SSUH2: variants seen among roughly 807,000 people sequenced by gnomAD.
SSUH2 encodes the protein protein SSUH2 homolog.
In SSUH2, 47 loss-of-function variants were observed where a neutral mutation model predicts 55.3. The ratio of observed to expected loss-of-function variants is 0.85; its 90% CI spans 0.67 to 1.08. The LOEUF (loss-of-function observed/expected upper bound fraction) is 1.08. SSUH2 is among the 50% of genes least tolerant of loss of function. The pLI, the probability that SSUH2 is intolerant of heterozygous loss-of-function variation, is 0.00. For missense variants in SSUH2, 535 were observed against 490.7 expected, an observed-to-expected ratio of 1.09 and a Z score of -0.85; for synonymous variants, 212 against 191.5, an observed-to-expected ratio of 1.11 and a Z score of -0.89.
At chr3:8,643,675 T>TA (rs1172427227) in intron 1 of SSUH2, among the ~76,000 whole-genome samples, 2 of 152,266 alleles carry the variant, frequency 1.3e-5, no homozygotes, top group East Asian at 3.9e-4. Flanking sequence ...GAAAGAGTGT[T>TA]ATGCCTGCAA....
intron 6 of SSUH2, among the ~76,000 whole-genome samples, chr3:8,660,223 A>G (rs886376375): frequency 1.3e-5 from 2 of 152,204 alleles, no homozygotes; most frequent in African/African-American, 4.8e-5. Context: ...GAAGGAATTT[A>G]TAGAAATCCA....
Position 8,619,756 on chromosome 3 carries a change from C to A in SSUH2, c.*112G>T. 2 of 1,308,604 alleles carry A rather than the reference C, an allele frequency of 1.5e-6. No homozygotes were observed. The highest frequency in any genetic ancestry group is 2.9e-5 in the South Asian group (2 of 68,636). 81.1% of individuals were successfully genotyped at this position (1,308,604 alleles called of 1,614,324 possible). The stretch of plus-strand genomic sequence containing the variant: ...AAGCTGGTTTTTCTGGAAGGACATG[C>A]CAGGGTTTGTATGTGATTGTCCAAT... On this transcript the variant is annotated 3_prime_UTR_variant, in exon 12 of 12. Transcript: ENST00000544814.
intron 5 of SSUH2, among the ~76,000 whole-genome samples, chr3:8,665,493 T>A (rs1241853354): frequency 6.6e-6 from 1 of 152,180 alleles, no homozygotes; most frequent in East Asian, 1.9e-4. Flanking sequence ...TTCCACAACA[T>A]CCTTATTTGG....
chr3:8,675,980 C>T (rs1281657139), intron 3 of SSUH2, among the ~76,000 whole-genome samples: 1 of 152,042 alleles, frequency 6.6e-6, no homozygotes, highest in Admixed American at 6.6e-5. Context: ...AGGATGGCCC[C>T]CCGTTTGAGG....
At chr3:8,633,553 G>A in intron 4 of SSUH2, 113 bp downstream of exon 4, 1 of 802,262 alleles carries the variant, frequency 1.2e-6, no homozygotes, top group Non-Finnish European at 1.9e-6. Context: ...CAAACACACT[G>A]CCCCCAGGAC....
rs1218261420 is a variant in SSUH2, at chr3:8,633,412, G to A, written c.339+254C>T. The stretch of plus-strand genomic sequence containing the variant: ...TGACCTCAGGTGATCCACCCACCTC[G>A]GCCTCCCAAAGTGCTGGGATTACAG... On this transcript the variant is annotated intron_variant, in intron 4 of 11. Coordinates refer to ENST00000544814, the MANE Select transcript of SSUH2 (RefSeq NM_001256748.3). 1.1e-4 allele frequency among the ~76,000 whole-genome samples: 17 copies of A among 152,062 alleles called. No individual in the cohort carries two copies. The East Asian group carries it at 1.9e-3, about 17-fold the overall frequency.
chr3:8,626,366 C>T (rs1697528197), intron 8 of SSUH2, 45 bp from the exon 9 acceptor site: 1 of 1,523,974 alleles, frequency 6.6e-7, no homozygotes, highest in Non-Finnish European at 9.1e-7. Flanking sequence ...GTTGCAGGTC[C>T]TGGTGGCTTC....
At chr3:8,653,658 G>C (rs975905784) in intron 7 of SSUH2, among the ~76,000 whole-genome samples, 3 of 152,120 alleles carry the variant, frequency 2.0e-5, no homozygotes, top group African/African-American at 4.8e-5. Context: ...CTAAAATATT[G>C]TTCACAAGAC....
intron 1 of SSUH2, among the ~76,000 whole-genome samples, chr3:8,637,154 C>T (rs1700055874): frequency 6.6e-6 from 1 of 152,184 alleles, no homozygotes; most frequent in African/African-American, 2.4e-5. Flanking sequence ...CAGTGAACCA[C>T]AGCTCCCACT....
chr3:8,664,646 C>A (rs890083825), intron 5 of SSUH2, among the ~76,000 whole-genome samples: 4 of 152,178 alleles, frequency 2.6e-5, no homozygotes, highest in Non-Finnish European at 4.4e-5. Context: ...AGATTACAAA[C>A]CTGGAGGACA....
At chr3:8,637,856 G>A (rs891673564) in intron 1 of SSUH2, among the ~76,000 whole-genome samples, 3 of 152,096 alleles carry the variant, frequency 2.0e-5, no homozygotes, top group Non-Finnish European at 2.9e-5. Flanking sequence ...TTGTTTGTTT[G>A]TTTGTTTGTT....
intron 3 of SSUH2, among the ~76,000 whole-genome samples, chr3:8,673,122 A>T (rs971062287): frequency 6.6e-6 from 1 of 152,042 alleles, no homozygotes; most frequent in East Asian, 1.9e-4. Flanking sequence ...AATATTAATT[A>T]TTACAAGCTA....
chr3:8,642,921 C>T (rs997924981), intron 1 of SSUH2, among the ~76,000 whole-genome samples: 1 of 152,082 alleles, frequency 6.6e-6, no homozygotes, highest in African/African-American at 2.4e-5. Context: ...TGCAGTGAAC[C>T]CCAAGTGCTC....
intron 5 of SSUH2, 104 bp downstream of exon 5, chr3:8,631,945 G>A (rs951812986): frequency 2.8e-5 from 25 of 885,786 alleles, no homozygotes; most frequent in African/African-American, 6.7e-5. Flanking sequence ...CCAAGCAGAA[G>A]ACCATCTTAT....
chr3:8,632,052 T>G lies in SSUH2; in HGVS notation c.397A>C (p.Thr133Pro). 2 of 1,613,438 alleles carry G rather than the reference T, an allele frequency of 1.2e-6. No homozygotes were observed. Among genetic ancestry groups the G allele is most frequent in the Non-Finnish European group, 1.7e-6 (2 of 1,179,466 alleles). Residue 133 changes from threonine to proline, a missense_variant, in exon 5 of 12, where the codon ACT (threonine) becomes CCT (proline). Thr to Pro is a conservative substitution (Grantham distance 38). Coordinates refer to ENST00000544814, the MANE Select transcript of SSUH2 (RefSeq NM_001256748.3). ...TAATTTCAGACAATTCACTTACTAGTAAAGGGTTGAAATGTCCACTCGCTT... is the reference window on the plus strand; with the variant it reads ...TAATTTCAGACAATTCACTTACTAGGAAAGGGTTGAAATGTCCACTCGCTT... ...RISEWTFQPF[T>P]NHSVDGPQRG...
intron 7 of SSUH2, among the ~76,000 whole-genome samples, chr3:8,654,717 G>A (rs1702758466): frequency 6.6e-6 from 1 of 152,154 alleles, no homozygotes; most frequent in Non-Finnish European, 1.5e-5. Flanking sequence ...CACAGTGTGT[G>A]GCCTTCTCCC....
At chr3:8,675,656 C>A (rs1705162707) in intron 3 of SSUH2, among the ~76,000 whole-genome samples, 1 of 152,136 alleles carries the variant, frequency 6.6e-6, no homozygotes, top group Non-Finnish European at 1.5e-5. Context: ...AGGCGAGAGA[C>A]TTCTTAGGAG....
chr3:8,658,723 C>T (rs1241788167), intron 7 of SSUH2, among the ~76,000 whole-genome samples: 1 of 152,108 alleles, frequency 6.6e-6, no homozygotes, highest in Non-Finnish European at 1.5e-5. Context: ...CTCATTCTTT[C>T]AGGCCACAAA....
rs544302855 is a variant in SSUH2, at chr3:8,626,617, G to A, written c.675-296C>T. Among the ~76,000 whole-genome samples the A allele has an allele frequency of 7.6e-3, 1,113 of 145,846 alleles. 5 individuals carry two copies. Among genetic ancestry groups the A allele is most frequent in the Admixed American group, 0.023 (303 of 13,430 alleles). On this transcript the variant is annotated intron_variant, in intron 8 of 11. Coordinates refer to ENST00000544814, the MANE Select transcript of SSUH2 (RefSeq NM_001256748.3). ...GCCAATCATCTTATTCCATGTCCCT[G>A]GTCTCAGTGGCTGATACAAAGATGG...
Sources: gnomAD v4.1 joint callset for allele counts (sites outside exome capture counted in the v4.1 genomes callset) on GRCh38, gnomAD v4.1.1 for gene constraint, MANE v1.5 for transcripts, NCBI Gene and HGNC (gene_info 2026-07-23, HGNC 2026-07-21) for gene names.